Variants in NFATC2 observed in about 807,000 individuals in gnomAD.
NFATC2 encodes the protein nuclear factor of activated T cells 2.
NFATC2 carries 22 observed loss-of-function variants against 87.3 expected under a neutral mutation model. The observed-to-expected ratio is 0.25, with a 90% CI of 0.18 to 0.36. The LOEUF is 0.36. NFATC2 is among the 10% of genes least tolerant of loss of function. The probability of loss-of-function intolerance (pLI) is 1.00; values close to 1 mark genes in which losing one functional copy is unlikely to be tolerated. For synonymous variants in NFATC2, 565 were observed against 542.2 expected, an observed-to-expected ratio of 1.04 and a Z score of -0.58; for missense variants, 1,149 against 1,259.1, an observed-to-expected ratio of 0.91 and a Z score of 1.32.
intron 3 of NFATC2, among the ~76,000 whole-genome samples, chr20:51,491,837 G>A (rs922038207): frequency 1.5e-4 from 22 of 149,132 alleles, no homozygotes; most frequent in African/African-American, 3.5e-4. Context: ...ACATCTGCTC[G>A]TTGAGAACAG....
chr20:51,466,381 T>C (rs994745931), intron 5 of NFATC2, among the ~76,000 whole-genome samples: 6 of 152,104 alleles, frequency 3.9e-5, no homozygotes, highest in Non-Finnish European at 8.8e-5. Flanking sequence ...TCTAAGGGTT[T>C]CCTGAAGCAA....
intron 1 of NFATC2, among the ~76,000 whole-genome samples, chr20:51,558,524 A>G (rs2076997081): frequency 6.6e-6 from 1 of 152,084 alleles, no homozygotes; most frequent in African/African-American, 2.4e-5. Flanking sequence ...TAAATTATAC[A>G]ATAGTAATGA....
At chr20:51,401,698 T>C (rs1342823154) in intron 9 of NFATC2, among the ~76,000 whole-genome samples, 1 of 152,212 alleles carries the variant, frequency 6.6e-6, no homozygotes, top group Non-Finnish European at 1.5e-5. Flanking sequence ...GGTTACAGCC[T>C]AAGACCTATA....
At chr20:51,404,815 G>A (rs894355429) in intron 9 of NFATC2, among the ~76,000 whole-genome samples, 2 of 152,172 alleles carry the variant, frequency 1.3e-5, no homozygotes, top group Non-Finnish European at 2.9e-5. Context: ...GCTTTGGGCC[G>A]GCGACCTGCA....
At chr20:51,545,169 G>T (rs962132001), upstream of NFATC2, among the ~76,000 whole-genome samples, 5 of 152,202 alleles carry the variant, frequency 3.3e-5, no homozygotes, top group South Asian at 1.0e-3. Flanking sequence ...CTTCCCCTGT[G>T]ATTTAGAAAA....
intron 3 of NFATC2, among the ~76,000 whole-genome samples, chr20:51,496,938 C>T (rs1171510443): frequency 1.3e-5 from 2 of 152,226 alleles, no homozygotes; most frequent in Non-Finnish European, 2.9e-5. Flanking sequence ...GCTGCCTATC[C>T]TGGCTGCCGC....
intron 9 of NFATC2, among the ~76,000 whole-genome samples, chr20:51,426,871 C>T (rs866911447): frequency 6.6e-5 from 10 of 151,566 alleles, no homozygotes; most frequent in Non-Finnish European, 1.5e-5. Flanking sequence ...ATACAGAATG[C>T]ACTACTGATT....
intron 9 of NFATC2, among the ~76,000 whole-genome samples, chr20:51,419,783 G>C (rs917460225): frequency 1.3e-5 from 2 of 152,156 alleles, no homozygotes; most frequent in African/African-American, 2.4e-5. Context: ...GGGATTTCAT[G>C]ATTTCCCCTT....
In NFATC2 at chr20:51,396,859, G is replaced by A. The variant is rs556901658; in HGVS notation, c.*44+1784C>T. Among the ~76,000 whole-genome samples the A allele has an allele frequency of 3.5e-4, 54 of 152,158 alleles. No individual in the cohort carries two copies. The Middle Eastern group carries it at 0.021, about 58-fold the overall frequency. ...GTCCTAACTGTTCTCAGGGGGAAGC[G>A]ACTCTGAAGGCCAAGAGGTAAGTTT... is the stretch of plus-strand genomic sequence containing the variant. On this transcript the variant is annotated intron_variant, in intron 10 of 10. Transcript: ENST00000371564.
intron 3 of NFATC2, among the ~76,000 whole-genome samples, chr20:51,515,848 C>G (rs2076343061): frequency 6.6e-6 from 1 of 152,032 alleles, no homozygotes; most frequent in African/African-American, 2.4e-5. Flanking sequence ...TATATAGTTT[C>G]TAATTTAGTT....
At chr20:51,435,379 G>A (rs1983410551) in intron 7 of NFATC2, 65 bp from the exon 8 acceptor site, 2 of 1,604,178 alleles carry the variant, frequency 1.2e-6, no homozygotes, top group Non-Finnish European at 1.7e-6. Context: ...CAGACCCTAA[G>A]CGCATCCAGG....
intron 3 of NFATC2, among the ~76,000 whole-genome samples, chr20:51,505,106 C>T (rs1256678797): frequency 4.7e-5 from 7 of 148,244 alleles, no homozygotes; most frequent in African/African-American, 1.3e-4. Context: ...CTCCACCTCC[C>T]GGGTTCACAC....
At chr20:51,423,585 G>T (rs1182624939) in intron 9 of NFATC2, among the ~76,000 whole-genome samples, 1 of 152,180 alleles carries the variant, frequency 6.6e-6, no homozygotes, top group Non-Finnish European at 1.5e-5. Context: ...GCTTAAAGGA[G>T]CACCTCACTC....
intron 1 of NFATC2, among the ~76,000 whole-genome samples, chr20:51,526,731 C>T (rs1054451924): frequency 1.3e-5 from 2 of 152,114 alleles, no homozygotes; most frequent in African/African-American, 4.8e-5. Flanking sequence ...CCAAGCTGAT[C>T]TCTTAGGGTC....
At chr20:51,497,867 G>C (rs928897988) in intron 3 of NFATC2, among the ~76,000 whole-genome samples, 2 of 152,040 alleles carry the variant, frequency 1.3e-5, no homozygotes, top group African/African-American at 4.8e-5. Flanking sequence ...GTTAAAGTTA[G>C]ATACACGCAA....
chr20:51,473,247 G>A (rs891740607), intron 5 of NFATC2, among the ~76,000 whole-genome samples: 1 of 152,120 alleles, frequency 6.6e-6, no homozygotes, highest in Non-Finnish European at 1.5e-5. Flanking sequence ...TAAGGCCAGA[G>A]AAAGTGTCCT....
At chr20:51,528,817 GT>G (rs1370677760) in intron 1 of NFATC2, among the ~76,000 whole-genome samples, 10 of 152,156 alleles carry the variant, frequency 6.6e-5, no homozygotes, top group African/African-American at 2.4e-4. Flanking sequence ...AAGTAGCAGC[GT>G]GACTTTGGAA....
chr20:51,470,236 T>G (rs542056476), intron 5 of NFATC2, among the ~76,000 whole-genome samples: 32 of 151,994 alleles, frequency 2.1e-4, no homozygotes, highest in Non-Finnish European at 4.4e-4. Flanking sequence ...GGGGGCAGCA[T>G]TCAGAGGCTG....
At chr20:51,507,690 A>G (rs1600901079) in intron 3 of NFATC2, among the ~76,000 whole-genome samples, 1 of 152,316 alleles carries the variant, frequency 6.6e-6, no homozygotes, top group Admixed American at 6.5e-5. Flanking sequence ...CTCACTTCGA[A>G]CCACCCGCTT....
Sources: gnomAD v4.1 joint callset for allele counts (sites outside exome capture counted in the v4.1 genomes callset) on GRCh38, gnomAD v4.1.1 for gene constraint, MANE v1.5 for transcripts, NCBI Gene and HGNC (gene_info 2026-07-23, HGNC 2026-07-21) for gene names.